GASK1A: variants seen among roughly 807,000 people sequenced by gnomAD.
GASK1A encodes the protein Golgi-associated kinase 1A.
GASK1A carries 40 observed loss-of-function variants against 41.2 expected under a neutral mutation model. That is an observed-to-expected ratio of 0.97 (90% CI 0.75 to 1.27). The LOEUF (loss-of-function observed/expected upper bound fraction) is 1.27. Ranked by LOEUF, GASK1A falls within the 50% of genes most tolerant of loss-of-function variation. The pLI is 0.00. For missense variants in GASK1A, 678 were observed against 745.1 expected (o/e 0.91, Z 1.05); for synonymous variants, 316 against 307.1 (o/e 1.03, Z -0.30).
chr3:43,056,128 A>G (rs1445381953), intron 4 of GASK1A, 48 bp from the exon 5 acceptor site: 2 of 1,403,508 alleles, frequency 1.4e-6, no homozygotes, highest in Non-Finnish European at 2.0e-6. Context: ...CTCTGAGATT[A>G]CTGTTGCTTT....
rs1396568490 is a variant in GASK1A at position 43,057,512 on chromosome 3, T to C, written c.*1126T>C. 2 of 152,174 alleles carry C rather than the reference T, an allele frequency of 1.3e-5. No individual in the cohort carries two copies. The highest frequency in any genetic ancestry group is 6.5e-5 in the Admixed American group (1 of 15,280). 9.4% of individuals were successfully genotyped at this position (152,174 alleles called of 1,614,324 possible). ...TTGGCCTATTTAGGAGGAAAACCGA[T>C]TTTAAAAGCTGCATTTCCTTAATCA... On this transcript the variant is annotated 3_prime_UTR_variant, in exon 5 of 5. Transcript: ENST00000430121.
rs1213455372 is a variant in GASK1A, at chr3:43,057,608, A to C, written c.*1222A>C. The C allele has an allele frequency of 6.6e-6, 1 of 152,016 alleles. No homozygotes were observed. The highest frequency in any genetic ancestry group is 6.6e-5 in the Admixed American group (1 of 15,266). 9.4% of individuals were successfully genotyped at this position (152,016 alleles called of 1,614,324 possible). On this transcript the variant is annotated 3_prime_UTR_variant, in exon 5 of 5. Coordinates refer to ENST00000430121, the MANE Select transcript of GASK1A (RefSeq NM_001129908.3). ...CTTTTCTGCATTGTCTTTTTGTTTT[A>C]AGATGTTTGCCCTTTGCTTGTTAAT...
chr3:43,048,128 G>A (rs1169033877), intron 2 of GASK1A, among the ~76,000 whole-genome samples: 1 of 152,224 alleles, frequency 6.6e-6, no homozygotes, highest in African/African-American at 2.4e-5. Flanking sequence ...TATAAAGGCA[G>A]GTTAATGAAG....
intron 1 of GASK1A, among the ~76,000 whole-genome samples, chr3:43,021,056 G>A (rs888915144): frequency 2.6e-5 from 4 of 152,192 alleles, no homozygotes; most frequent in Non-Finnish European, 4.4e-5. Flanking sequence ...GTTGAGAGCT[G>A]TTTCTACCCT....
At chr3:43,017,513 A>T (rs990834372) in intron 1 of GASK1A, among the ~76,000 whole-genome samples, 1 of 147,822 alleles carries the variant, frequency 6.8e-6, no homozygotes, top group African/African-American at 2.5e-5. Context: ...AGCTACAGGA[A>T]GGGGCCCTGT....
intron 1 of GASK1A, among the ~76,000 whole-genome samples, chr3:43,030,557 G>T (rs996442086): frequency 1.3e-5 from 2 of 152,222 alleles, no homozygotes; most frequent in African/African-American, 4.8e-5. Flanking sequence ...TCTCTGGTTT[G>T]TCTATGCAAC....
chr3:43,056,029 T>G lies in GASK1A; in HGVS notation c.1518-147T>G, dbSNP rs1054977635. ...GGTCCTCTGTTAGTGAGATAGCAGG[T>G]GCAGGTCTGGGGAGTTTGCCAGGTG... On this transcript the variant is annotated intron_variant, in intron 4 of 4. Transcript: ENST00000430121. The G allele has an allele frequency of 4.7e-6, 3 of 642,386 alleles. No individual in the cohort carries two copies. The African/African-American group carries it at 5.5e-5, about 12-fold the overall frequency. The allele number at this position is 642,386 out of a possible 1,614,324, so 39.8% of individuals were successfully genotyped here. A position where few individuals can be genotyped will look rare whatever the true frequency, so the allele number is the denominator to read the frequency against.
chr3:43,015,139 C>T (rs974746577), intron 1 of GASK1A, among the ~76,000 whole-genome samples: 14 of 150,676 alleles, frequency 9.3e-5, no homozygotes, highest in African/African-American at 3.4e-4. Flanking sequence ...AGTGTGAAGT[C>T]ACAGGAAGGG....
At chr3:42,987,777 T>G (rs908747728) in intron 1 of GASK1A, among the ~76,000 whole-genome samples, 1 of 151,878 alleles carries the variant, frequency 6.6e-6, no homozygotes, top group Non-Finnish European at 1.5e-5. Context: ...GGTGGACAGA[T>G]CACCTGAGGT....
At chr3:43,037,588 C>A in intron 2 of GASK1A, 1 of 303,000 alleles carries the variant, frequency 3.3e-6, no homozygotes, top group Non-Finnish European at 6.0e-6. Flanking sequence ...TCAGATCCCT[C>A]TTTGATATCA....
chr3:43,017,582 T>TCACAGGAAGGGGCAGTGTGAAGC (rs2089498971), intron 1 of GASK1A, among the ~76,000 whole-genome samples: 1 of 136,306 alleles, frequency 7.3e-6, no homozygotes, highest in East Asian at 2.3e-4. Flanking sequence ...TAGTGGGAAA[T>TCACAGGAAGGGGCAGTGTGAAGC]CACAGGAAGG....
At chr3:43,008,915 A>G (rs2089449293) in intron 1 of GASK1A, among the ~76,000 whole-genome samples, 1 of 152,204 alleles carries the variant, frequency 6.6e-6, no homozygotes, top group Non-Finnish European at 1.5e-5. Flanking sequence ...ACAGATGGAG[A>G]GAGTGCGGCA....
At position 43,056,269 on chromosome 3, in the gene GASK1A, C is replaced by A; in HGVS notation, c.1611C>A (p.Ser537Arg). 2 of 1,551,708 alleles carry A rather than the reference C, an allele frequency of 1.3e-6. No homozygotes were observed. The highest frequency in any genetic ancestry group is 1.7e-6 in the Non-Finnish European group (2 of 1,147,000). The change falls in exon 5 of 5, where the codon AGC (serine) becomes AGA (arginine). Residue 537 changes from serine to arginine, a missense_variant. Coordinates refer to ENST00000430121, the MANE Select transcript of GASK1A (RefSeq NM_001129908.3). ...AGATGGACCCAGTGTTCTGGGAAAG[C>A]CAAGGCGGAGCCCAGGGGCTGAAGC... ...SLQMDPVFWE[S>R]QGGAQGLKQV...
intron 2 of GASK1A, among the ~76,000 whole-genome samples, chr3:43,042,020 G>A (rs145781456): frequency 1.3e-4 from 20 of 152,144 alleles, no homozygotes; most frequent in Admixed American, 3.9e-4. Flanking sequence ...TGGAGTCTAC[G>A]AGACCCAGAT....
chr3:43,031,697 A>C lies in GASK1A; in HGVS notation c.4-570A>C, dbSNP rs142196562. On this transcript the variant is annotated intron_variant, in intron 1 of 4. Coordinates refer to ENST00000430121, the MANE Select transcript of GASK1A (RefSeq NM_001129908.3). ...CAAGAGAGAAAGGCCAGGGTGGCTA[A>C]CTTCCTTTTAAGCATGTGGGGCTGG... 2.0e-5 allele frequency among the ~76,000 whole-genome samples: 3 copies of C among 152,200 alleles called. No homozygotes were observed. The South Asian group carries it at 6.2e-4, about 31-fold the overall frequency.
At chr3:43,019,455 A>G (rs2089510551) in intron 1 of GASK1A, among the ~76,000 whole-genome samples, 1 of 152,194 alleles carries the variant, frequency 6.6e-6, no homozygotes, top group South Asian at 2.1e-4. Context: ...AATCAAGGAA[A>G]GCAGGGTTGC....
intron 1 of GASK1A, 90 bp from the exon 2 acceptor site, chr3:43,032,177 C>A: frequency 9.8e-7 from 1 of 1,015,270 alleles, no homozygotes; most frequent in Non-Finnish European, 1.4e-6. Flanking sequence ...ATGAACTGAG[C>A]ACCTCATTTG....
At chr3:43,006,438 C>T (rs1390238018) in intron 1 of GASK1A, among the ~76,000 whole-genome samples, 1 of 152,142 alleles carries the variant, frequency 6.6e-6, no homozygotes, top group Non-Finnish European at 1.5e-5. Flanking sequence ...TCATTCTACC[C>T]TCATATTTGA....
At position 43,034,945 on chromosome 3, in the gene GASK1A, C is replaced by T. The variant is rs189938638; in HGVS notation, c.1290+1392C>T. Among the ~76,000 whole-genome samples the T allele has an allele frequency of 6.6e-5, 10 of 152,314 alleles. No individual in the cohort carries two copies. The East Asian group carries it at 1.9e-3, about 29-fold the overall frequency. The stretch of plus-strand genomic sequence containing the variant: ...CTTGAATGTTACCCCAGTCTGCCTG[C>T]AGATAAGTCTGTTTCCAGTCACGGG... On this transcript the variant is annotated intron_variant, in intron 2 of 4. Coordinates refer to ENST00000430121, the MANE Select transcript of GASK1A (RefSeq NM_001129908.3).
Sources: gnomAD v4.1 joint callset for allele counts (sites outside exome capture counted in the v4.1 genomes callset) on GRCh38, gnomAD v4.1.1 for gene constraint, MANE v1.5 for transcripts, NCBI Gene and HGNC (gene_info 2026-07-23, HGNC 2026-07-21) for gene names.